Variants in LRBA observed in about 807,000 individuals in gnomAD.
LRBA encodes LPS responsive beige-like anchor protein.
A neutral mutation model predicts 330.0 loss-of-function variants in LRBA; 176 were observed. That is an observed-to-expected ratio of 0.53 (90% CI 0.47 to 0.60). LRBA has a LOEUF of 0.60. Ranked by LOEUF, LRBA falls within the 20% of genes least tolerant of loss-of-function variation. The pLI is 0.00. For missense variants in LRBA, 3,259 were observed against 3,444.8 expected, an observed-to-expected ratio of 0.95 and a Z score of 1.35; for synonymous variants, 1,230 against 1,193.0, an observed-to-expected ratio of 1.03 and a Z score of -0.64.
At chr4:150,953,692 G>T (rs1737130514) in intron 2 of LRBA, among the ~76,000 whole-genome samples, 1 of 151,996 alleles carries the variant, frequency 6.6e-6, no homozygotes, top group Non-Finnish European at 1.5e-5. Flanking sequence ...GGAGTGCAGT[G>T]GTGTGATCTC....
intron 37 of LRBA, among the ~76,000 whole-genome samples, chr4:150,621,620 CT>C (rs1338702331): frequency 3.9e-5 from 6 of 152,114 alleles, no homozygotes; most frequent in African/African-American, 1.4e-4. Flanking sequence ...TCCCTAACAC[CT>C]TAAAAGTGCT....
At chr4:150,514,467 T>G (rs1020920781) in intron 40 of LRBA, among the ~76,000 whole-genome samples, 1 of 152,206 alleles carries the variant, frequency 6.6e-6, no homozygotes, top group Admixed American at 6.5e-5. Context: ...CTCTGGCCCC[T>G]GTGGTTTTAT....
intron 16 of LRBA, among the ~76,000 whole-genome samples, chr4:150,895,457 CG>C (rs1729960723): frequency 1.3e-5 from 2 of 151,980 alleles, no homozygotes; most frequent in South Asian, 4.2e-4. Context: ...CAACAGGCCC[CG>C]GTGTGTGATG....
At chr4:150,402,270 A>T (rs1312876331) in intron 47 of LRBA, among the ~76,000 whole-genome samples, 1 of 93,378 alleles carries the variant, frequency 1.1e-5, no homozygotes, top group African/African-American at 2.8e-5. Context: ...CAGTAGACCA[A>T]AAAAAAAAAA....
At chr4:150,470,170 A>T (rs1755920414) in intron 43 of LRBA, among the ~76,000 whole-genome samples, 1 of 152,130 alleles carries the variant, frequency 6.6e-6, no homozygotes, top group Non-Finnish European at 1.5e-5. Flanking sequence ...GGAAGAGGAG[A>T]GCAACTCCGT....
chr4:150,285,597 T>C lies in LRBA; in HGVS notation c.8119+336A>G, dbSNP rs887652905. Among the ~76,000 whole-genome samples, 10 of 152,280 alleles carry C rather than the reference T, an allele frequency of 6.6e-5. No homozygotes were observed. The South Asian group carries it at 1.2e-3, about 19-fold the overall frequency. On this transcript the variant is annotated intron_variant, in intron 54 of 56. Coordinates refer to ENST00000651943, the MANE Select transcript of LRBA (RefSeq NM_001364905.1). ...TTCCTGCTTCAGGGGAATATGAATATTAACAGGATATGTTTGTAAAAACAT... is the reference window on the plus strand; with the variant it reads ...TTCCTGCTTCAGGGGAATATGAATACTAACAGGATATGTTTGTAAAAACAT...
chr4:150,842,349 C>T (rs889984176), intron 28 of LRBA, among the ~76,000 whole-genome samples: 2 of 152,082 alleles, frequency 1.3e-5, no homozygotes, highest in African/African-American at 2.4e-5. Flanking sequence ...TGTAGTGACA[C>T]AATCATAGCT....
chr4:150,529,687 A>C (rs1007366689), intron 40 of LRBA, among the ~76,000 whole-genome samples: 1 of 151,188 alleles, frequency 6.6e-6, no homozygotes, highest in Non-Finnish European at 1.5e-5. Flanking sequence ...ATGCCACTGC[A>C]CTCCAGCCTG....
chr4:150,330,562 T>C (rs1733856206), intron 48 of LRBA, among the ~76,000 whole-genome samples: 1 of 152,148 alleles, frequency 6.6e-6, no homozygotes, highest in Admixed American at 6.5e-5. Context: ...TGACCAGGCA[T>C]TAGATTCTCA....
intron 37 of LRBA, among the ~76,000 whole-genome samples, chr4:150,627,431 C>T (rs2126654646): frequency 6.6e-6 from 1 of 152,002 alleles, no homozygotes; most frequent in East Asian, 1.9e-4. Flanking sequence ...AGTATAAACA[C>T]AAGGGTAGTT....
At chr4:150,817,017 C>T (rs1040566367) in intron 31 of LRBA, 107 bp downstream of exon 31, 1 of 873,266 alleles carries the variant, frequency 1.1e-6, no homozygotes, top group Non-Finnish European at 1.8e-6. Flanking sequence ...TATAAAAGTA[C>T]AATGGTTTCT....
At chr4:150,956,793 G>A (rs766488645) in intron 2 of LRBA, among the ~76,000 whole-genome samples, 1 of 148,880 alleles carries the variant, frequency 6.7e-6, no homozygotes, top group Non-Finnish European at 1.5e-5. Flanking sequence ...GACAAAAAAA[G>A]CATCTGACAA....
rs763291410 is a variant in LRBA at position 150,584,073 on chromosome 4, A to G, written c.6330+3975T>C. 17 of 1,558,686 alleles carry G rather than the reference A, an allele frequency of 1.1e-5. No homozygotes were observed. Among genetic ancestry groups the G allele is most frequent in the Non-Finnish European group, 1.1e-5 (13 of 1,152,924 alleles). ...AGCAGACCTGGAGGTTGGCCAGGGAAATTCTCACCAATCCCAAAAGCCTGG... is the reference window on the plus strand; with the variant it reads ...AGCAGACCTGGAGGTTGGCCAGGGAGATTCTCACCAATCCCAAAAGCCTGG... On this transcript the variant is annotated intron_variant, in intron 40 of 56. Coordinates refer to ENST00000651943, the MANE Select transcript of LRBA (RefSeq NM_001364905.1).
At chr4:150,829,061 A>G (rs1746760119) in intron 29 of LRBA, among the ~76,000 whole-genome samples, 1 of 151,716 alleles carries the variant, frequency 6.6e-6, no homozygotes, top group African/African-American at 2.4e-5. Context: ...AAGCCTCTCA[A>G]GTAGCTGAGA....
At chr4:150,516,217 C>CTTT (rs869205771) in intron 40 of LRBA, among the ~76,000 whole-genome samples, 343 of 29,418 alleles carry the variant, frequency 0.012, 41 homozygotes, top group African/African-American at 0.025. Flanking sequence ...TTTCTATTCT[C>CTTT]TTTTTTTTTT....
intron 33 of LRBA, 76 bp downstream of exon 33, chr4:150,806,195 G>A (rs1742766681): frequency 8.8e-7 from 1 of 1,141,620 alleles, no homozygotes; most frequent in Non-Finnish European, 1.2e-6. Context: ...GAAACTCCAT[G>A]TTATTTCATT....
At chr4:150,878,240 G>A (rs1181803209) in intron 17 of LRBA, among the ~76,000 whole-genome samples, 1 of 152,024 alleles carries the variant, frequency 6.6e-6, no homozygotes, top group Non-Finnish European at 1.5e-5. Flanking sequence ...TCAGGAGGCT[G>A]AGGCAGGAGA....
At chr4:150,572,161 T>C (rs1271927907) in intron 40 of LRBA, among the ~76,000 whole-genome samples, 1 of 152,154 alleles carries the variant, frequency 6.6e-6, no homozygotes, top group Non-Finnish European at 1.5e-5. Context: ...ACATTATTTC[T>C]TTGTAAATCA....
intron 5 of LRBA, 73 bp from the exon 6 acceptor site, chr4:150,916,811 T>C (rs1732649935): frequency 1.7e-6 from 2 of 1,168,050 alleles, no homozygotes; most frequent in Non-Finnish European, 1.2e-6. Context: ...AATAAGACTT[T>C]GCAATGCTAC....
Sources: gnomAD v4.1 joint callset for allele counts (sites outside exome capture counted in the v4.1 genomes callset) on GRCh38, gnomAD v4.1.1 for gene constraint, MANE v1.5 for transcripts, NCBI Gene and HGNC (gene_info 2026-07-23, HGNC 2026-07-21) for gene names.